ROBO1: variants seen among roughly 807,000 people sequenced by gnomAD.
ROBO1 encodes the protein roundabout guidance receptor 1.
Under a neutral mutation model 195.9 loss-of-function variants are expected in ROBO1, and 149 were observed. The observed-to-expected ratio is 0.76, with a 90% confidence interval of 0.67 to 0.87. ROBO1 has a LOEUF of 0.87. Ranked by LOEUF, ROBO1 falls within the 40% of genes least tolerant of loss-of-function variation. ROBO1 has a pLI of 0.00. For synonymous variants in ROBO1, 816 were observed against 733.2 expected (o/e 1.11, Z -1.82); for missense variants, 1,933 against 2,068.3 (o/e 0.93, Z 1.27).
intron 2 of ROBO1, among the ~76,000 whole-genome samples, chr3:79,193,354 T>G (rs1040843892): frequency 6.6e-6 from 1 of 151,608 alleles, no homozygotes; most frequent in African/African-American, 2.4e-5. Context: ...TTTACATATA[T>G]TATCTTATTT....
At chr3:78,923,449 T>G (rs2039051242) in intron 4 of ROBO1, among the ~76,000 whole-genome samples, 1 of 152,146 alleles carries the variant, frequency 6.6e-6, no homozygotes. Flanking sequence ...CCAGAGTGAC[T>G]GTCCATAGAA....
At chr3:78,964,042 C>G (rs993568797) in intron 3 of ROBO1, among the ~76,000 whole-genome samples, 1 of 152,054 alleles carries the variant, frequency 6.6e-6, no homozygotes, top group Non-Finnish European at 1.5e-5. Context: ...AGAATTTGCT[C>G]CACCTCTCTC....
At chr3:79,708,394 C>A (rs1177787610) in intron 1 of ROBO1, among the ~76,000 whole-genome samples, 1 of 152,100 alleles carries the variant, frequency 6.6e-6, no homozygotes, top group Non-Finnish European at 1.5e-5. Context: ...TCTTTATTTT[C>A]TTATGAAGGT....
At chr3:79,109,665 T>A (rs1465251354) in intron 3 of ROBO1, among the ~76,000 whole-genome samples, 3 of 152,074 alleles carry the variant, frequency 2.0e-5, no homozygotes, top group Non-Finnish European at 4.4e-5. Context: ...TATATCTTTA[T>A]TATTAGTTTT....
chr3:78,984,867 G>C (rs2077071031), intron 3 of ROBO1, among the ~76,000 whole-genome samples: 1 of 152,102 alleles, frequency 6.6e-6, no homozygotes, highest in Non-Finnish European at 1.5e-5. Flanking sequence ...GAACTGTGTG[G>C]GTCCACTTAT....
intron 3 of ROBO1, among the ~76,000 whole-genome samples, chr3:79,059,632 T>C (rs1166187784): frequency 1.3e-5 from 2 of 152,054 alleles, no homozygotes. Context: ...ACTTTTATAA[T>C]TTCTTATGCC....
At chr3:79,341,721 A>G (rs1205062960) in intron 2 of ROBO1, among the ~76,000 whole-genome samples, 2 of 152,048 alleles carry the variant, frequency 1.3e-5, no homozygotes, top group Non-Finnish European at 2.9e-5. Context: ...CGTTTAGCCC[A>G]TCTATTTATA....
chr3:78,773,614 AT>A (rs2083432200), intron 4 of ROBO1, among the ~76,000 whole-genome samples: 3 of 152,244 alleles, frequency 2.0e-5, no homozygotes, highest in East Asian at 3.9e-4. Context: ...ATATTCCATA[AT>A]TTTTTATTGA....
At chr3:79,687,454 A>C (rs1405517219) in intron 1 of ROBO1, among the ~76,000 whole-genome samples, 1 of 152,178 alleles carries the variant, frequency 6.6e-6, no homozygotes, top group Non-Finnish European at 1.5e-5. Context: ...GAATGGGAGA[A>C]ATTTTTCGCA....
chr3:78,900,806 TA>T (rs2037539431), intron 4 of ROBO1, among the ~76,000 whole-genome samples: 1 of 152,190 alleles, frequency 6.6e-6, no homozygotes, highest in African/African-American at 2.4e-5. Flanking sequence ...AATATAAATT[TA>T]AATGTTACTT....
At chr3:79,494,903 G>A (rs1474607663) in intron 2 of ROBO1, among the ~76,000 whole-genome samples, 2 of 152,098 alleles carry the variant, frequency 1.3e-5, no homozygotes, top group East Asian at 1.9e-4. Context: ...GGAGGCTTCC[G>A]ATAATGATCC....
At chr3:79,254,451 C>T (rs2082790350) in intron 2 of ROBO1, among the ~76,000 whole-genome samples, 1 of 151,906 alleles carries the variant, frequency 6.6e-6, no homozygotes, top group African/African-American at 2.4e-5. Context: ...AAAGGAAGCT[C>T]ACACACATTC....
intron 1 of ROBO1, among the ~76,000 whole-genome samples, chr3:79,702,932 C>T (rs1434566703): frequency 6.6e-6 from 1 of 151,878 alleles, no homozygotes; most frequent in African/African-American, 2.4e-5. Flanking sequence ...GTAGTGGCCA[C>T]GTGGCCTAAA....
At chr3:79,064,816 C>T (rs2078978475) in intron 3 of ROBO1, among the ~76,000 whole-genome samples, 1 of 151,938 alleles carries the variant, frequency 6.6e-6, no homozygotes, top group Non-Finnish European at 1.5e-5. Context: ...TTCTAATACT[C>T]AAATACTCAC....
intron 2 of ROBO1, among the ~76,000 whole-genome samples, chr3:79,513,295 A>G (rs750853069): frequency 2.6e-5 from 4 of 152,224 alleles, no homozygotes; most frequent in Middle Eastern, 3.4e-3. Flanking sequence ...AAATAACTAA[A>G]CTATGTAATA....
chr3:79,236,990 T>A (rs1424082230), intron 2 of ROBO1, among the ~76,000 whole-genome samples: 1 of 151,992 alleles, frequency 6.6e-6, no homozygotes, highest in African/African-American at 2.4e-5. Flanking sequence ...ACTTGATTAT[T>A]AAAAATATAA....
intron 2 of ROBO1, among the ~76,000 whole-genome samples, chr3:79,347,680 G>A (rs898673263): frequency 2.0e-5 from 3 of 152,148 alleles, no homozygotes; most frequent in Non-Finnish European, 4.4e-5. Context: ...GAAGAGACAG[G>A]ATCAAAGAAT....
chr3:78,944,900 G>A (rs2040338516), intron 3 of ROBO1, among the ~76,000 whole-genome samples: 1 of 152,206 alleles, frequency 6.6e-6, no homozygotes, highest in Non-Finnish European at 1.5e-5. Flanking sequence ...TACACCCAGG[G>A]AGTCTTGCTC....
chr3:78,872,945 T>C (rs770177288), intron 4 of ROBO1, among the ~76,000 whole-genome samples: 15 of 152,180 alleles, frequency 9.9e-5, no homozygotes, highest in Middle Eastern at 3.2e-3. Flanking sequence ...TTACAAATTG[T>C]AATCTGTTTA....
Sources: allele counts gnomAD v4.1 joint callset (sites outside exome capture counted in the v4.1 genomes callset), GRCh38; gene constraint gnomAD v4.1.1; transcripts MANE v1.5; gene names NCBI Gene and HGNC (gene_info 2026-07-23, HGNC 2026-07-21).